The following SMG1 variants were observed in gnomAD, a reference collection of about 807,000 sequenced individuals.
SMG1 encodes the protein SMG1 nonsense mediated mRNA decay associated PI3K related kinase, also known as serine/threonine-protein kinase SMG1.
SMG1 carries 22 observed loss-of-function variants against 419.9 expected under a neutral mutation model. The observed-to-expected ratio is 0.05, with a 90% confidence interval of 0.04 to 0.07. The LOEUF is 0.07. SMG1 is among the 10% of genes least tolerant of loss of function. SMG1 has a pLI of 1.00. For missense variants in SMG1, 3,185 were observed against 4,342.0 expected, an observed-to-expected ratio of 0.73 and a Z score of 7.49; for synonymous variants, 1,538 against 1,553.5, an observed-to-expected ratio of 0.99 and a Z score of 0.23.
rs567852905 is a variant in SMG1, at chr16:18,815,359, A to C, written c.10515-78T>G. On this transcript the variant is annotated intron_variant, in intron 59 of 62. Coordinates refer to ENST00000446231, the MANE Select transcript of SMG1 (RefSeq NM_015092.5). ...TTATAAAAATATGAACAAAACTGAA[A>C]AATTAAATCAAGAGATAAACTTCTT... 3 of 1,567,408 alleles carry C rather than the reference A, an allele frequency of 1.9e-6. No homozygotes were observed. The Admixed American group carries it at 5.3e-5, about 28-fold the overall frequency.
chr16:18,914,263 A>G (rs2037891319), intron 1 of SMG1, among the ~76,000 whole-genome samples: 2 of 152,184 alleles, frequency 1.3e-5, no homozygotes, highest in African/African-American at 4.8e-5. Context: ...AGTCCTACAC[A>G]TATTATATGA....
At chr16:18,904,322 T>TA (rs764172667) in intron 1 of SMG1, among the ~76,000 whole-genome samples, 4 of 148,262 alleles carry the variant, frequency 2.7e-5, no homozygotes, top group Non-Finnish European at 4.5e-5. Context: ...AGTCTTACTT[T>TA]AAAAAAAACA....
intron 33 of SMG1, among the ~76,000 whole-genome samples, chr16:18,851,414 C>T (rs1454141307): frequency 7.9e-5 from 12 of 152,256 alleles, no homozygotes; most frequent in African/African-American, 1.9e-4. Flanking sequence ...CACACGCGCA[C>T]GCGCACACAC....
chr16:18,848,780 A>C (rs1033212259), intron 36 of SMG1, among the ~76,000 whole-genome samples: 1 of 152,014 alleles, frequency 6.6e-6, no homozygotes, highest in Non-Finnish European at 1.5e-5. Context: ...TATTACTATT[A>C]AAAAACCTAC....
At chr16:18,849,714 C>T (rs1486139595) in intron 35 of SMG1, among the ~76,000 whole-genome samples, 1 of 152,134 alleles carries the variant, frequency 6.6e-6, no homozygotes, top group Non-Finnish European at 1.5e-5. Flanking sequence ...TTTTTCACCA[C>T]CCTCTCCAAA....
At position 18,804,876 on chromosome 16, in the gene SMG1, C is replaced by T. The variant is rs1380860924; in HGVS notation, c.*4693G>A. ...AATGCTGTATCTTTTGAGACTGAAC[C>T]TTTATTTTCTGAAAAACAGGTATTT... On this transcript the variant is annotated 3_prime_UTR_variant, in exon 63 of 63. Transcript: ENST00000446231. The T allele has an allele frequency of 1.3e-5, 2 of 152,574 alleles. No homozygotes were observed. The highest frequency in any genetic ancestry group is 4.8e-5 in the African/African-American group (2 of 41,438). 9.5% of individuals were successfully genotyped at this position (152,574 alleles called of 1,614,324 possible). A position where few individuals can be genotyped will look rare whatever the true frequency, so the allele number is the denominator to read the frequency against.
At chr16:18,843,101 A>G (rs1054701409) in intron 39 of SMG1, among the ~76,000 whole-genome samples, 2 of 152,198 alleles carry the variant, frequency 1.3e-5, no homozygotes, top group African/African-American at 4.8e-5. Context: ...TGAGCTATGT[A>G]TGCACAACAC....
Position 18,816,501 on chromosome 16 carries a change from C to T in SMG1, c.10103G>A (p.Ser3368Asn). The stretch of plus-strand genomic sequence containing the variant: ...GTGTGCTGACAAAAGCCATTCAGAG[C>T]TGCCAATAGGATGTTCAAGACCAGT... ...VDTGLEHPIG[S>N]SEWLLSAHKQ... Residue 3368 changes from serine to asparagine, a missense_variant, in exon 58 of 63, where the codon AGC (serine) becomes AAC (asparagine). Around this residue, in one of 27 missense-constraint regions of SMG1, gnomAD observed 737 missense variants for 846.6 expected, o/e 0.87. Transcript: ENST00000446231. 6 of 1,613,904 alleles carry T rather than the reference C, an allele frequency of 3.7e-6. No individual in the cohort carries two copies. The highest frequency in any genetic ancestry group is 5.1e-6 in the Non-Finnish European group (6 of 1,179,844).
chr16:18,878,854 C>G (rs1331037263), intron 11 of SMG1: 1 of 153,842 alleles, frequency 6.5e-6, no homozygotes, highest in Non-Finnish European at 1.4e-5. Flanking sequence ...CAAAATAATA[C>G]AAAAAATTAG....
At chr16:18,830,404 GA>G (rs2033088568) in intron 51 of SMG1, 35 bp from the exon 52 acceptor site, 1 of 1,608,736 alleles carries the variant, frequency 6.2e-7, no homozygotes, top group African/African-American at 1.3e-5. Context: ...AACCTTCGCT[GA>G]AAAGTAATGC....
intron 13 of SMG1, among the ~76,000 whole-genome samples, chr16:18,873,456 A>G (rs2035934784): frequency 6.6e-6 from 1 of 152,214 alleles, no homozygotes; most frequent in Non-Finnish European, 1.5e-5. Context: ...TCCTGAGCTC[A>G]GGTGATCTGC....
At chr16:18,841,852 C>T in intron 40 of SMG1, 58 bp from the exon 41 acceptor site, 3 of 1,428,260 alleles carry the variant, frequency 2.1e-6, no homozygotes, top group Middle Eastern at 1.8e-4. Context: ...TGGGAGCATA[C>T]CACTCCTCTT....
chr16:18,871,673 C>G (rs2035830396), intron 15 of SMG1, among the ~76,000 whole-genome samples, 191 bp from the exon 16 acceptor site: 1 of 151,990 alleles, frequency 6.6e-6, no homozygotes, highest in Non-Finnish European at 1.5e-5. Context: ...GAAAACCTCC[C>G]AACGCAGCAT....
intron 53 of SMG1, 68 bp from the exon 54 acceptor site, chr16:18,829,823 T>C: frequency 6.8e-7 from 1 of 1,467,544 alleles, no homozygotes; most frequent in Non-Finnish European, 9.2e-7. Context: ...ATTTATAGTA[T>C]TTAAGGTGTC....
At chr16:18,839,350 C>G (rs994631811) in intron 42 of SMG1, among the ~76,000 whole-genome samples, 1 of 152,068 alleles carries the variant, frequency 6.6e-6, no homozygotes, top group Non-Finnish European at 1.5e-5. Flanking sequence ...TCCTGCCCCC[C>G]ACCCTCAAGT....
At chr16:18,856,011 G>A (rs977614918) in intron 29 of SMG1, among the ~76,000 whole-genome samples, 2 of 150,734 alleles carry the variant, frequency 1.3e-5, no homozygotes, top group African/African-American at 4.9e-5. Flanking sequence ...AGTCAACTAA[G>A]AATCATTATT....
Position 18,819,564 on chromosome 16 carries a change from A to T in SMG1, c.9832T>A (p.Phe3278Ile). 1 of 1,604,388 alleles carries T rather than the reference A, an allele frequency of 6.2e-7. No individual in the cohort carries two copies. The highest frequency in any genetic ancestry group is 8.5e-7 in the Non-Finnish European group (1 of 1,175,056). ...NPALAPVLQDFEATIAERRNL... is the reference protein window; with the variant it reads ...NPALAPVLQDIEATIAERRNL... ...CTTCTTTCAGCTATCGTTGCTTCAAAATCTTGTAGTACAGGGGCCAATGCA... is the reference window on the plus strand; with the variant it reads ...CTTCTTTCAGCTATCGTTGCTTCAATATCTTGTAGTACAGGGGCCAATGCA... Residue 3278 changes from phenylalanine to isoleucine, a missense_variant, in exon 56 of 63, where the codon TTT becomes ATT. This residue lies in a region of SMG1 where 737 missense variants were observed against 846.6 expected (regional missense o/e 0.87). Coordinates refer to ENST00000446231, the MANE Select transcript of SMG1 (RefSeq NM_015092.5).
rs572255688 is a variant in SMG1, at chr16:18,805,284, T to C, written c.*4285A>G. The C allele has an allele frequency of 6.6e-6, 1 of 152,212 alleles. No homozygotes were observed. The highest frequency in any genetic ancestry group is 1.5e-5 in the Non-Finnish European group (1 of 68,034). The allele number at this position is 152,212 out of a possible 1,614,324, so 9.4% of individuals were successfully genotyped here. ...ACTTTGTCAAAAAAAGAAAAAACTA[T>C]TAGCCTGTTTTCAAAGAAAAACATT... On this transcript the variant is annotated 3_prime_UTR_variant, in exon 63 of 63. Transcript: ENST00000446231.
In SMG1 at chr16:18,815,658, T is replaced by G. The variant is rs775187450; in HGVS notation, c.10303-7A>C. 1 of 1,609,474 alleles carries G rather than the reference T, an allele frequency of 6.2e-7. No individual in the cohort carries two copies. The highest frequency in any genetic ancestry group is 8.5e-7 in the Non-Finnish European group (1 of 1,176,962). ...CCAGAGCAGCTTCTTCATCCTAGAA[T>G]TGATAAATTAATGATTAAGAAAAAT... On this transcript the variant is annotated splice_region_variant and splice_polypyrimidine_tract_variant and intron_variant, in intron 58 of 62. Coordinates refer to ENST00000446231, the MANE Select transcript of SMG1 (RefSeq NM_015092.5).
Sources: gnomAD v4.1 joint callset for allele counts (sites outside exome capture counted in the v4.1 genomes callset) on GRCh38, gnomAD v4.1.1 for gene constraint, gnomAD v4.1.1 regional missense constraint, MANE v1.5 for transcripts, NCBI Gene and HGNC (gene_info 2026-07-23, HGNC 2026-07-21) for gene names.